The following EPHA6 variants were observed in gnomAD, a reference collection of about 807,000 sequenced individuals.
EPHA6 encodes EPH receptor A6, also known as ephrin type-A receptor 6.
Under a neutral mutation model 112.0 loss-of-function variants are expected in EPHA6, and 50 were observed. The ratio of observed to expected loss-of-function variants is 0.45; its 90% CI spans 0.36 to 0.56. The LOEUF is 0.56. Among genes scored for constraint, EPHA6 ranks in the 20% least tolerant of loss-of-function variants. The probability of loss-of-function intolerance (pLI) is 0.00; values close to 1 mark genes in which losing one functional copy is unlikely to be tolerated. For synonymous variants in EPHA6, 529 were observed against 490.7 expected, an observed-to-expected ratio of 1.08 and a Z score of -1.03; for missense variants, 1,280 against 1,417.4, an observed-to-expected ratio of 0.90 and a Z score of 1.56.
At chr3:97,014,621 G>A (rs1012172587) in intron 3 of EPHA6, among the ~76,000 whole-genome samples, 5 of 152,190 alleles carry the variant, frequency 3.3e-5, no homozygotes, top group Non-Finnish European at 7.3e-5. Context: ...AATTAGCAAT[G>A]CTTGCAGAAT....
chr3:97,672,693 G>A (rs1560253174), intron 14 of EPHA6, among the ~76,000 whole-genome samples: 1 of 152,090 alleles, frequency 6.6e-6, no homozygotes, highest in East Asian at 1.9e-4. Context: ...GGAATGAAGG[G>A]AAGGAGAGGA....
chr3:97,391,778 G>A (rs2086413161), intron 5 of EPHA6, among the ~76,000 whole-genome samples: 1 of 151,750 alleles, frequency 6.6e-6, no homozygotes, highest in African/African-American at 2.4e-5. Context: ...GGGAAAAAAA[G>A]GTAATTGCTG....
intron 3 of EPHA6, among the ~76,000 whole-genome samples, chr3:97,011,383 G>T (rs1041208118): frequency 6.6e-6 from 1 of 152,154 alleles, no homozygotes; most frequent in African/African-American, 2.4e-5. Context: ...AATTGAAACT[G>T]CCATCTCTGC....
Position 97,209,562 on chromosome 3 carries a change from G to T in EPHA6, c.1115-16702G>T, listed in dbSNP as rs944361693. ...GTACTGGATGAAAATTGTGATTATT[G>T]TATTGATTGCCAGCATGATTAATAA... On this transcript the variant is annotated intron_variant, in intron 3 of 17. Transcript: ENST00000389672. Among the ~76,000 whole-genome samples, 9 of 152,300 alleles carry T rather than the reference G, an allele frequency of 5.9e-5. No individual in the cohort carries two copies. In the South Asian group the frequency reaches 6.2e-4, roughly 11 times the overall value.
At position 97,479,374 on chromosome 3, in the gene EPHA6, G is replaced by A. The variant is rs780376967; in HGVS notation, c.2074+10G>A. 1.3e-5 allele frequency: 21 copies of A among 1,579,932 alleles called. No individual in the cohort carries two copies. The highest frequency in any genetic ancestry group is 1.7e-4 in the Middle Eastern group (1 of 5,916). On this transcript the variant is annotated intron_variant, in intron 9 of 17. Transcript: ENST00000389672. ...TTACAGAATGGGCATTGTAAGTAGC[G>A]CAGGGACTTTCTTTCATTATTTTGT...
At chr3:97,150,049 T>G (rs1470862519) in intron 3 of EPHA6, among the ~76,000 whole-genome samples, 1 of 151,994 alleles carries the variant, frequency 6.6e-6, no homozygotes, top group Non-Finnish European at 1.5e-5. Context: ...GAAGTCAACA[T>G]TTCCTTCCTA....
At chr3:97,465,852 C>G (rs546739768) in intron 7 of EPHA6, among the ~76,000 whole-genome samples, 97 of 152,122 alleles carry the variant, frequency 6.4e-4, no homozygotes, top group Non-Finnish European at 1.0e-3. Flanking sequence ...AGGAATTTAG[C>G]TCCAGTATTT....
chr3:97,516,981 A>G (rs2092457639), intron 10 of EPHA6, among the ~76,000 whole-genome samples: 3 of 152,148 alleles, frequency 2.0e-5, no homozygotes, highest in Non-Finnish European at 4.4e-5. Context: ...AAACAACAGA[A>G]AATAAAGACA....
chr3:97,642,971 C>T (rs1271279165), intron 14 of EPHA6, among the ~76,000 whole-genome samples: 1 of 150,300 alleles, frequency 6.7e-6, no homozygotes, highest in East Asian at 2.0e-4. Context: ...AGAAGAGCAA[C>T]CCCAAGACAC....
chr3:97,668,941 A>AAAAAAAAC, intron 14 of EPHA6, among the ~76,000 whole-genome samples: 1 of 149,326 alleles, frequency 6.7e-6, no homozygotes, highest in Non-Finnish European at 1.5e-5. Context: ...AAAAAAAAAA[A>AAAAAAAAC]AAATCCACTA....
intron 5 of EPHA6, among the ~76,000 whole-genome samples, chr3:97,284,192 A>G (rs2080385336): frequency 6.6e-6 from 1 of 152,178 alleles, no homozygotes; most frequent in African/African-American, 2.4e-5. Flanking sequence ...CCTATTTTGC[A>G]TAAAAGTATA....
At chr3:97,648,494 G>T in intron 14 of EPHA6, 4 of 1,293,556 alleles carry the variant, frequency 3.1e-6, no homozygotes, top group Non-Finnish European at 3.9e-6. Context: ...TTTGTGAATT[G>T]GCTTGACTTT....
At chr3:97,598,825 C>T (rs2093617483) in intron 12 of EPHA6, among the ~76,000 whole-genome samples, 1 of 151,758 alleles carries the variant, frequency 6.6e-6, no homozygotes, top group Non-Finnish European at 1.5e-5. Context: ...GTTCTAGATC[C>T]CTGAAGAATC....
chr3:97,100,515 A>C (rs2047373348), intron 3 of EPHA6, among the ~76,000 whole-genome samples: 1 of 151,862 alleles, frequency 6.6e-6, no homozygotes, highest in South Asian at 2.1e-4. Context: ...CAGAGAGGCT[A>C]ATTTGCCCAC....
intron 14 of EPHA6, among the ~76,000 whole-genome samples, chr3:97,705,683 G>A (rs79423338): frequency 0.02 from 2,978 of 152,098 alleles, 105 homozygotes; most frequent in African/African-American, 0.068. Context: ...ATCAAGAAGC[G>A]TATAGATTAA....
chr3:97,089,342 T>A (rs1391923679), intron 3 of EPHA6, among the ~76,000 whole-genome samples: 1 of 152,148 alleles, frequency 6.6e-6, no homozygotes, highest in Non-Finnish European at 1.5e-5. Context: ...GTTTGCTTTT[T>A]TAACATTTGA....
chr3:96,984,391 G>A (rs2042935747), intron 2 of EPHA6, among the ~76,000 whole-genome samples: 1 of 152,192 alleles, frequency 6.6e-6, no homozygotes, highest in South Asian at 2.1e-4. Context: ...AGCAAATGTT[G>A]CTGCCTGATT....
chr3:97,647,180 G>C (rs2094071474), intron 14 of EPHA6, among the ~76,000 whole-genome samples: 1 of 152,118 alleles, frequency 6.6e-6, no homozygotes, highest in Admixed American at 6.6e-5. Context: ...AGAGAGCTGG[G>C]TTGGTCCAAG....
intron 5 of EPHA6, among the ~76,000 whole-genome samples, chr3:97,254,774 A>T (rs921203637): frequency 9.2e-5 from 14 of 152,138 alleles, no homozygotes; most frequent in Non-Finnish European, 1.9e-4. Context: ...CTTTTAACTG[A>T]CTCTTTTAAG....
Sources: allele counts gnomAD v4.1 joint callset (sites outside exome capture counted in the v4.1 genomes callset), GRCh38; gene constraint gnomAD v4.1.1; transcripts MANE v1.5; gene names NCBI Gene and HGNC (gene_info 2026-07-23, HGNC 2026-07-21).